The following STMP1 variants were observed in gnomAD, a reference collection of about 807,000 sequenced individuals.
STMP1 encodes short transmembrane mitochondrial protein 1.
Under a neutral mutation model 7.0 loss-of-function variants are expected in STMP1, and 7 were observed. That is an observed-to-expected ratio of 1.01 (90% confidence interval 0.57 to 1.89). The LOEUF is 1.89. Among genes scored for constraint, STMP1 ranks in the 40% most tolerant of loss-of-function variants. The pLI is 0.00. For synonymous variants in STMP1, 19 were observed against 18.4 expected, an observed-to-expected ratio of 1.03 and a Z score of -0.08; for missense variants, 45 against 53.0, an observed-to-expected ratio of 0.85 and a Z score of 0.47.
chr7:135,668,489 A>G (rs1795319289), intron 1 of STMP1, among the ~76,000 whole-genome samples: 1 of 152,072 alleles, frequency 6.6e-6, no homozygotes, highest in Non-Finnish European at 1.5e-5. Context: ...TGTAACCTCT[A>G]CTTCCTGGGC....
At chr7:135,663,354 T>A (rs1358530325) in intron 1 of STMP1, among the ~76,000 whole-genome samples, 1 of 152,200 alleles carries the variant, frequency 6.6e-6, no homozygotes, top group Non-Finnish European at 1.5e-5. Flanking sequence ...TTTTATTTTT[T>A]ATTTTTTTTG....
rs1486117584 is a variant in STMP1, at chr7:135,674,205, C to T, written c.*40C>T. On this transcript the variant is annotated 3_prime_UTR_variant, in exon 3 of 3. Transcript: ENST00000507606. ...CTGCCTTCAGGATATACTGATTCTA[C>T]TGCTCTTGAGGGCCTCGTTTACTAT... 4 of 1,442,162 alleles carry T rather than the reference C, an allele frequency of 2.8e-6. No homozygotes were observed. The Admixed American group carries it at 9.6e-5, about 34-fold the overall frequency. 89.3% of individuals were successfully genotyped at this position (1,442,162 alleles called of 1,614,324 possible).
intron 1 of STMP1, among the ~76,000 whole-genome samples, chr7:135,664,061 CA>C (rs1216025817): frequency 6.6e-6 from 1 of 151,892 alleles, no homozygotes; most frequent in Non-Finnish European, 1.5e-5. Flanking sequence ...TTAATCTGCC[CA>C]GCTAAGACAG....
Position 135,674,150 on chromosome 7 carries a change from A to T in STMP1, c.129A>T (p.Lys43Asn). The T allele has an allele frequency of 6.5e-7, 1 of 1,550,266 alleles. No homozygotes were observed. The highest frequency in any genetic ancestry group is 8.7e-7 in the Non-Finnish European group (1 of 1,146,652). Residue 43 changes from lysine to asparagine, a missense_variant, in exon 3 of 3, where the codon AAA (lysine) becomes AAT (asparagine). Lys to Asn is a moderately conservative substitution (Grantham distance 94). Transcript: ENST00000507606. ...AAAAGGACTTGGATGCCAAGAAGAA[A>T]CCCCCTAGTGCATGAGACTGCCTCC... ...EIKKDLDAKK[K>N]PPSA
Position 135,667,044 on chromosome 7 carries a change from T to C in STMP1, c.15+4450T>C, listed in dbSNP as rs547116371. Among the ~76,000 whole-genome samples, 11 of 152,332 alleles carry C rather than the reference T, an allele frequency of 7.2e-5. No individual in the cohort carries two copies. The South Asian group carries it at 8.3e-4, about 11-fold the overall frequency. On this transcript the variant is annotated intron_variant, in intron 1 of 2. Transcript: ENST00000507606. ...TCGCCAACATTTCGTGTAGCTCTTA[T>C]TGTTTTTGTTAAAGTAATTCTAGTG...
At chr7:135,664,344 ATTTTTTTTT>A (rs767469164) in intron 1 of STMP1, among the ~76,000 whole-genome samples, 4 of 114,990 alleles carry the variant, frequency 3.5e-5, no homozygotes, top group Admixed American at 9.1e-5. Flanking sequence ...CTGTGTGTTA[ATTTTTTTTT>A]TTTTTTTTTT....
chr7:135,666,371 C>T (rs910841977), intron 1 of STMP1, among the ~76,000 whole-genome samples: 3 of 152,036 alleles, frequency 2.0e-5, no homozygotes, highest in Non-Finnish European at 4.4e-5. Context: ...GTTTTTGAGA[C>T]AGCGTCTCAC....
chr7:135,662,557 T>G lies in STMP1; in HGVS notation c.-23T>G. 1.3e-6 allele frequency: 2 copies of G among 1,546,440 alleles called. No homozygotes were observed. Among genetic ancestry groups the G allele is most frequent in the Non-Finnish European group, 1.7e-6 (2 of 1,145,186 alleles). ...GGAGCTGCTGCAGTCCTTCGCGCCC[T>G]CCTCGCCCTCCCCACCGACATCATG... On this transcript the variant is annotated 5_prime_UTR_variant, in exon 1 of 3. Transcript: ENST00000507606.
chr7:135,664,096 T>C (rs566691240), intron 1 of STMP1, among the ~76,000 whole-genome samples: 11 of 152,266 alleles, frequency 7.2e-5, no homozygotes, highest in Non-Finnish European at 1.3e-4. Context: ...CCTCTAGGAG[T>C]TTCTGTAGTG....
chr7:135,662,674 C>T (rs1017243799), intron 1 of STMP1, 80 bp downstream of exon 1: 5 of 1,481,270 alleles, frequency 3.4e-6, no homozygotes, highest in Admixed American at 4.3e-5. Context: ...GATTGCCGAC[C>T]CCGCCGACCC....
chr7:135,666,123 G>A (rs888347632), intron 1 of STMP1, among the ~76,000 whole-genome samples: 1 of 151,956 alleles, frequency 6.6e-6, no homozygotes, highest in Non-Finnish European at 1.5e-5. Flanking sequence ...AGTAGAGATG[G>A]GGTTTCACCA....
chr7:135,666,937 A>G (rs1291172717), intron 1 of STMP1, among the ~76,000 whole-genome samples: 1 of 152,176 alleles, frequency 6.6e-6, no homozygotes, highest in Non-Finnish European at 1.5e-5. Flanking sequence ...TTTTTGAGGA[A>G]CTTTTGGACT....
At chr7:135,663,058 C>T (rs1382811575) in intron 1 of STMP1, among the ~76,000 whole-genome samples, 2 of 152,180 alleles carry the variant, frequency 1.3e-5, no homozygotes, top group African/African-American at 4.8e-5. Flanking sequence ...AAATTAGCCA[C>T]CTCACGAAGT....
At chr7:135,672,566 AG>A (rs757839547) in intron 1 of STMP1, among the ~76,000 whole-genome samples, 186 bp from the exon 2 acceptor site, 24 of 152,132 alleles carry the variant, frequency 1.6e-4, no homozygotes, top group Non-Finnish European at 2.8e-4. Flanking sequence ...TAGCCTCTGG[AG>A]AGGGCATCTC....
intron 1 of STMP1, among the ~76,000 whole-genome samples, chr7:135,664,669 A>G (rs1288930558): frequency 6.6e-6 from 1 of 152,170 alleles, no homozygotes; most frequent in Non-Finnish European, 1.5e-5. Flanking sequence ...AAAGCTGTCA[A>G]TTATATTCCT....
At chr7:135,666,054 T>C (rs1795288389) in intron 1 of STMP1, among the ~76,000 whole-genome samples, 2 of 151,838 alleles carry the variant, frequency 1.3e-5, no homozygotes, top group Non-Finnish European at 2.9e-5. Flanking sequence ...TGCCTTAGCC[T>C]CCGAAGTAGC....
At chr7:135,663,842 C>G (rs187674926) in intron 1 of STMP1, among the ~76,000 whole-genome samples, 1 of 152,196 alleles carries the variant, frequency 6.6e-6, no homozygotes, top group African/African-American at 2.4e-5. Flanking sequence ...GACGGGGTTT[C>G]ACCCCGTTGG....
rs920021102 is a variant in STMP1, at chr7:135,665,355, C to T, written c.15+2761C>T. ...TAACGTCCTTCCATTATTCATATTCCTCCTCAGATTAAAATATTCTCCCTT... is the reference window on the plus strand; with the variant it reads ...TAACGTCCTTCCATTATTCATATTCTTCCTCAGATTAAAATATTCTCCCTT... On this transcript the variant is annotated intron_variant, in intron 1 of 2. Coordinates refer to ENST00000507606, the MANE Select transcript of STMP1 (RefSeq NM_001130929.2). 7.9e-5 allele frequency among the ~76,000 whole-genome samples: 12 copies of T among 152,290 alleles called. No individual in the cohort carries two copies. In the East Asian group the frequency reaches 2.3e-3, roughly 29 times the overall value.
intron 1 of STMP1, among the ~76,000 whole-genome samples, chr7:135,667,975 G>A (rs1162294914): frequency 6.6e-6 from 1 of 152,158 alleles, no homozygotes; most frequent in Admixed American, 6.6e-5. Context: ...GTGTGAGATA[G>A]GAGTCCACCT....
Sources: gnomAD v4.1 joint callset for allele counts (sites outside exome capture counted in the v4.1 genomes callset) on GRCh38, gnomAD v4.1.1 for gene constraint, MANE v1.5 for transcripts, NCBI Gene and HGNC (gene_info 2026-07-23, HGNC 2026-07-21) for gene names.